Variants in SRPK2 observed in about 807,000 individuals in gnomAD.
The protein encoded by SRPK2 is SFRS protein kinase 2.
A neutral mutation model predicts 90.8 loss-of-function variants in SRPK2; 21 were observed. The observed-to-expected ratio is 0.23, with a 90% CI of 0.16 to 0.33. The LOEUF is 0.33. Ranked by LOEUF, SRPK2 falls within the 10% of genes least tolerant of loss-of-function variation. The probability of loss-of-function intolerance (pLI) is 1.00; values close to 1 mark genes in which losing one functional copy is unlikely to be tolerated. For synonymous variants in SRPK2, 288 were observed against 311.1 expected (o/e 0.93, Z 0.78); for missense variants, 620 against 869.0 (o/e 0.71, Z 3.60).
chr7:105,246,011 CAG>C (rs1408577488), intron 2 of SRPK2, among the ~76,000 whole-genome samples: 2 of 152,126 alleles, frequency 1.3e-5, no homozygotes, highest in Admixed American at 1.3e-4. Context: ...GGAAGCCTGG[CAG>C]AGAGAGGATA....
At chr7:105,165,831 C>T (rs1421091541) in intron 6 of SRPK2, among the ~76,000 whole-genome samples, 2 of 152,246 alleles carry the variant, frequency 1.3e-5, no homozygotes, top group South Asian at 4.1e-4. Flanking sequence ...CAAAATAAAT[C>T]TTGTTGCTGC....
chr7:105,313,272 C>T (rs542215443), intron 2 of SRPK2, among the ~76,000 whole-genome samples: 3 of 151,074 alleles, frequency 2.0e-5, no homozygotes, highest in Non-Finnish European at 4.4e-5. Context: ...ATGGTAAAAC[C>T]CCATCTCTAC....
chr7:105,252,529 T>G (rs933984443), intron 2 of SRPK2, among the ~76,000 whole-genome samples: 4 of 152,208 alleles, frequency 2.6e-5, no homozygotes, highest in African/African-American at 9.6e-5. Flanking sequence ...CCTTCAATCA[T>G]ATTAGCCACA....
chr7:105,318,637 T>C (rs1011168034), intron 2 of SRPK2, among the ~76,000 whole-genome samples: 6 of 152,240 alleles, frequency 3.9e-5, no homozygotes, highest in Admixed American at 3.9e-4. Context: ...TTTTATGTTC[T>C]TTCCGTCACA....
chr7:105,248,258 A>G (rs1221697675), intron 2 of SRPK2, among the ~76,000 whole-genome samples: 1 of 152,134 alleles, frequency 6.6e-6, no homozygotes, highest in East Asian at 1.9e-4. Flanking sequence ...TTTAAACACC[A>G]GTATCCTAGC....
At chr7:105,237,717 G>T (rs1429642053) in intron 2 of SRPK2, among the ~76,000 whole-genome samples, 1 of 152,172 alleles carries the variant, frequency 6.6e-6, no homozygotes, top group East Asian at 1.9e-4. Context: ...TGGGGATAGG[G>T]TCTACAACCA....
intron 1 of SRPK2, among the ~76,000 whole-genome samples, chr7:105,395,925 AT>A (rs1822308783): frequency 6.6e-6 from 1 of 151,930 alleles, no homozygotes; most frequent in African/African-American, 2.4e-5. Context: ...TTATTTATTT[AT>A]TTTTTTGAGA....
At chr7:105,242,178 A>G (rs1244997601) in intron 2 of SRPK2, among the ~76,000 whole-genome samples, 1 of 152,184 alleles carries the variant, frequency 6.6e-6, no homozygotes, top group African/African-American at 2.4e-5. Flanking sequence ...AAGTTAATCT[A>G]ACATACATCC....
intron 2 of SRPK2, among the ~76,000 whole-genome samples, chr7:105,296,286 G>A (rs527746703): frequency 6.6e-6 from 1 of 152,246 alleles, no homozygotes; most frequent in Non-Finnish European, 1.5e-5. Flanking sequence ...CAAGAAAGTG[G>A]ATGTTCTTTT....
chr7:105,117,770 G>A lies in SRPK2; in HGVS notation c.*68C>T, dbSNP rs909541213. The A allele has an allele frequency of 2.6e-6, 4 of 1,517,180 alleles. No individual in the cohort carries two copies. The Admixed American group carries it at 6.9e-5, about 26-fold the overall frequency. The allele number at this position is 1,517,180 out of a possible 1,614,324, so 94.0% of individuals were successfully genotyped here. On this transcript the variant is annotated 3_prime_UTR_variant, in exon 16 of 16. Transcript: ENST00000393651. ...CACTTGTAATCCTGTTAAAGAATGA[G>A]AGTCACCGTTTAGGTCCAATGTACT...
chr7:105,363,834 C>T (rs184260354), intron 2 of SRPK2, among the ~76,000 whole-genome samples: 1 of 152,276 alleles, frequency 6.6e-6, no homozygotes, highest in African/African-American at 2.4e-5. Context: ...CACATATACA[C>T]CATGGAATAC....
intron 7 of SRPK2, among the ~76,000 whole-genome samples, chr7:105,148,679 T>C (rs574276399): frequency 1.3e-5 from 2 of 152,310 alleles, no homozygotes; most frequent in East Asian, 3.9e-4. Context: ...TGTGTCTATG[T>C]AGAAAGGAAA....
chr7:105,116,388 A>C lies in SRPK2; in HGVS notation c.*1450T>G, dbSNP rs1234549253. The C allele has an allele frequency of 6.6e-6, 1 of 152,544 alleles. No homozygotes were observed. The highest frequency in any genetic ancestry group is 1.5e-5 in the Non-Finnish European group (1 of 67,968). 9.4% of individuals were successfully genotyped at this position (152,544 alleles called of 1,614,324 possible). ...CCAAGGCAATGTCTGGAAAAAAAAA[A>C]ACCAAAACACTTTAATTTTTAAGAC... On this transcript the variant is annotated 3_prime_UTR_variant, in exon 16 of 16. Transcript: ENST00000393651.
chr7:105,371,113 A>G (rs1342346205), intron 2 of SRPK2, among the ~76,000 whole-genome samples: 1 of 152,134 alleles, frequency 6.6e-6, no homozygotes, highest in African/African-American at 2.4e-5. Flanking sequence ...CCCTCAAAAA[A>G]GTAGTTTCGA....
intron 2 of SRPK2, among the ~76,000 whole-genome samples, chr7:105,359,399 C>G (rs1818176696): frequency 6.6e-6 from 1 of 152,004 alleles, no homozygotes; most frequent in African/African-American, 2.4e-5. Flanking sequence ...ACCTTGTGAT[C>G]TGCCCTCCTT....
Position 105,379,156 on chromosome 7 carries a change from A to AAAATAT in SRPK2, c.71+9491_71+9492insATATTT, listed in dbSNP as rs1554528823. Among the ~76,000 whole-genome samples, 23 of 150,430 alleles carry AAAATAT rather than the reference A, an allele frequency of 1.5e-4. No individual in the cohort carries two copies. The South Asian group carries it at 4.6e-3, about 30-fold the overall frequency. ...AAGCAAGACCCAGTCTCTAAAAAAAAATATATATATATATATAAAGTCAGC... is the reference window on the plus strand; with the variant it reads ...AAGCAAGACCCAGTCTCTAAAAAAAAAAATATATATATATATATATATAAAGTCAGC... On this transcript the variant is annotated intron_variant, in intron 2 of 15. Coordinates refer to ENST00000393651, the MANE Select transcript of SRPK2 (RefSeq NM_182692.3).
intron 2 of SRPK2, among the ~76,000 whole-genome samples, chr7:105,316,022 A>ATTTT (rs11330337): frequency 7.8e-6 from 1 of 128,646 alleles, no homozygotes; most frequent in Non-Finnish European, 1.6e-5. Flanking sequence ...TCTTTAGGTA[A>ATTTT]TTTTTTTTTT....
At chr7:105,268,995 G>A (rs1026758267) in intron 2 of SRPK2, 1 of 1,385,606 alleles carries the variant, frequency 7.2e-7, no homozygotes, top group Admixed American at 2.3e-5. Flanking sequence ...CAGTACTTCT[G>A]TTAGGACTGG....
intron 3 of SRPK2, among the ~76,000 whole-genome samples, chr7:105,179,298 C>T (rs184532410): frequency 1.3e-5 from 2 of 152,194 alleles, no homozygotes; most frequent in Admixed American, 6.5e-5. Flanking sequence ...AGCTACCTCA[C>T]TCAAAACTAT....
Sources: allele counts gnomAD v4.1 joint callset (sites outside exome capture counted in the v4.1 genomes callset), GRCh38; gene constraint gnomAD v4.1.1; transcripts MANE v1.5; gene names NCBI Gene and HGNC (gene_info 2026-07-23, HGNC 2026-07-21).